LUZP1: variants seen among roughly 807,000 people sequenced by gnomAD.
LUZP1 encodes leucine zipper protein 1, also known as filamin mechanobinding actin cross-linking protein.
A neutral mutation model predicts 71.3 loss-of-function variants in LUZP1; 25 were observed. The observed-to-expected ratio is 0.35, with a 90% CI of 0.26 to 0.49. LUZP1 has a LOEUF of 0.49. LUZP1 is among the 20% of genes least tolerant of loss of function. The probability of loss-of-function intolerance (pLI) is 0.99; values close to 1 mark genes in which losing one functional copy is unlikely to be tolerated. For missense variants in LUZP1, 1,142 were observed against 1,300.8 expected (o/e 0.88, Z 1.88); for synonymous variants, 481 against 506.4 (o/e 0.95, Z 0.67).
chr1:23,083,642 T>G (rs1643687375), downstream of LUZP1: 2 of 238,480 alleles, frequency 8.4e-6, no homozygotes, highest in Non-Finnish European at 1.5e-5. Flanking sequence ...GTGTGTGGGG[T>G]TTTTGTTTTT....
chr1:23,136,472 A>G (rs1644253927), intron 2 of LUZP1, among the ~76,000 whole-genome samples: 1 of 152,222 alleles, frequency 6.6e-6, no homozygotes, highest in Admixed American at 6.5e-5. Context: ...GCCCCCCAGG[A>G]CCTTATCAAC....
At chr1:23,113,490 C>T (rs149738613) in intron 2 of LUZP1, among the ~76,000 whole-genome samples, 22 of 152,270 alleles carry the variant, frequency 1.4e-4, no homozygotes, top group African/African-American at 5.1e-4. Context: ...AAGGAAAAGA[C>T]AATCAGCAGA....
At chr1:23,095,600 G>T (rs913759001) in intron 3 of LUZP1, among the ~76,000 whole-genome samples, 3 of 152,190 alleles carry the variant, frequency 2.0e-5, no homozygotes, top group Non-Finnish European at 2.9e-5. Flanking sequence ...AATAGAGGTG[G>T]TAAGTTGAAA....
At chr1:23,091,128 G>C (rs1167115303) in intron 4 of LUZP1, 62 bp downstream of exon 3, 3 of 1,488,262 alleles carry the variant, frequency 2.0e-6, no homozygotes, top group South Asian at 2.7e-5. Context: ...AGGGGAAAAA[G>C]GAAAAGGCAA....
chr1:23,084,847 A>C (rs541899730), exon 5 of LUZP1: 2 of 152,502 alleles, frequency 1.3e-5, no homozygotes, highest in Admixed American at 1.3e-4. Context: ...AAAATACCCA[A>C]TTTTAAGTAT....
intron 2 of LUZP1, among the ~76,000 whole-genome samples, chr1:23,142,319 T>C (rs1644309576): frequency 6.6e-6 from 1 of 152,210 alleles, no homozygotes; most frequent in South Asian, 2.1e-4. Context: ...AAGGTCTTTT[T>C]AATGCATTAT....
chr1:23,091,264 A>T (rs1557624159), exon 4 of LUZP1: 1 of 1,613,960 alleles, frequency 6.2e-7, no homozygotes, highest in East Asian at 2.2e-5. Context: ...AGCACCTCTG[A>T]CACAGTGAGG....
intron 2 of LUZP1, among the ~76,000 whole-genome samples, chr1:23,163,237 CAAAAAAAAAAAAA>C (rs36097785): frequency 8.9e-5 from 4 of 45,172 alleles, no homozygotes; most frequent in African/African-American, 3.4e-4. Context: ...GAGACTCTCT[CAAAAAAAAAAAAA>C]AAAAAAAAGC....
At chr1:23,173,043 G>A (rs1026698394) in intron 1 of LUZP1, among the ~76,000 whole-genome samples, 2 of 150,988 alleles carry the variant, frequency 1.3e-5, no homozygotes, top group South Asian at 4.2e-4. Flanking sequence ...GGCTGGTCTC[G>A]AACTCCTGAC....
In LUZP1 at chr1:23,099,326, C is replaced by T. The variant is rs977494928; in HGVS notation, c.-119-4946G>A. Among the ~76,000 whole-genome samples the T allele has an allele frequency of 2.5e-4, 38 of 152,126 alleles. 1 individual carries two copies. Among genetic ancestry groups the T allele is most frequent in the African/African-American group, 8.7e-4 (36 of 41,404 alleles). On this transcript the variant is annotated intron_variant, in intron 3 of 4. Transcript: ENST00000302291. Reference sequence around the variant, plus strand: ...TGATACAAAGGGTCTGTGTTGCCATCGTAGTCATTGGAAGACAAATGATAT... The same window carrying T: ...TGATACAAAGGGTCTGTGTTGCCATTGTAGTCATTGGAAGACAAATGATAT...
rs113219628 is a variant in LUZP1, at chr1:23,093,950, C to A, written c.312G>T (p.Arg104=). ...GCCGCTCAATCTCAGATTTCAGCTC[C>A]CGGGTGAGGTTTTCTTCCTCTTCAA... is the stretch of plus-strand genomic sequence containing the variant. Residue 104 remains arginine (R), a synonymous_variant, in exon 4 of 5, where the codon CGG becomes CGT. Coordinates refer to ENST00000302291, the Ensembl canonical transcript of LUZP1. This position sits in a 1 kb window ranked among gnomAD's most constrained non-coding sequence, Gnocchi z 4.2. 4.7e-4 allele frequency: 752 copies of A among 1,614,182 alleles called. 1 individual carries two copies. Among genetic ancestry groups the A allele is most frequent in the Middle Eastern group, 3.6e-3 (22 of 6,062 alleles).
exon 5 of LUZP1, chr1:23,085,058 A>C (rs1643742496): frequency 6.5e-6 from 1 of 152,734 alleles, no homozygotes; most frequent in East Asian, 1.9e-4. Flanking sequence ...AGGCAGCTCC[A>C]ATGATACACA....
intron 1 of LUZP1, among the ~76,000 whole-genome samples, chr1:23,174,504 C>T (rs1276951749): frequency 6.6e-6 from 1 of 152,156 alleles, no homozygotes; most frequent in Non-Finnish European, 1.5e-5. Context: ...GTCAAATTGA[C>T]ACATAAAATT....
intron 1 of LUZP1, among the ~76,000 whole-genome samples, chr1:23,172,867 T>C (rs1391571598): frequency 6.6e-6 from 1 of 151,848 alleles, no homozygotes; most frequent in Non-Finnish European, 1.5e-5. Flanking sequence ...AGAGTCTCGC[T>C]CTGTTGCTCA....
At chr1:23,138,669 G>GTA (rs1644274592) in intron 2 of LUZP1, among the ~76,000 whole-genome samples, 1 of 99,548 alleles carries the variant, frequency 1.0e-5, no homozygotes, top group Non-Finnish European at 1.9e-5. Context: ...GTGTTTGTGT[G>GTA]TGTGTGTGTG....
intron 2 of LUZP1, among the ~76,000 whole-genome samples, chr1:23,111,823 A>G (rs1258810849): frequency 6.9e-6 from 1 of 144,914 alleles, no homozygotes; most frequent in Non-Finnish European, 1.5e-5. Flanking sequence ...CCACACACAC[A>G]CTCATCTTCT....
At chr1:23,120,257 T>C (rs941382269) in intron 2 of LUZP1, among the ~76,000 whole-genome samples, 7 of 152,004 alleles carry the variant, frequency 4.6e-5, no homozygotes, top group Non-Finnish European at 8.8e-5. Context: ...AGTCCAATTA[T>C]TGAATGCCCA....
intron 2 of LUZP1, among the ~76,000 whole-genome samples, chr1:23,160,562 C>T (rs1466412887): frequency 1.3e-5 from 2 of 152,080 alleles, no homozygotes; most frequent in African/African-American, 2.4e-5. Context: ...GGTGCACTCC[C>T]GGCCTTTAGA....
chr1:23,102,439 T>C (rs1643939024), intron 3 of LUZP1, among the ~76,000 whole-genome samples: 1 of 152,184 alleles, frequency 6.6e-6, no homozygotes, highest in African/African-American at 2.4e-5. Flanking sequence ...TCACTTCCTG[T>C]TCCCAATAGT....
Sources: allele counts gnomAD v4.1 joint callset (sites outside exome capture counted in the v4.1 genomes callset), GRCh38; gene constraint gnomAD v4.1.1; non-coding constraint Gnocchi (gnomAD v3.1); transcripts MANE v1.5; gene names NCBI Gene and HGNC (gene_info 2026-07-23, HGNC 2026-07-21).